PSD2: variants seen among roughly 807,000 people sequenced by gnomAD.
PSD2 encodes the protein pleckstrin and Sec7 domain containing 2.
PSD2 carries 38 observed loss-of-function variants against 69.8 expected under a neutral mutation model. The observed-to-expected ratio is 0.54, with a 90% CI of 0.42 to 0.71. The LOEUF is 0.71. Among genes scored for constraint, PSD2 ranks in the 30% least tolerant of loss-of-function variants. The pLI is 0.00. For synonymous variants in PSD2, 412 were observed against 423.0 expected, an observed-to-expected ratio of 0.97 and a Z score of 0.32; for missense variants, 943 against 1,014.5, an observed-to-expected ratio of 0.93 and a Z score of 0.96.
the PSD2 span, among the ~76,000 whole-genome samples, chr5:139,756,814 C>T: frequency 9.8e-5 from 15 of 152,298 alleles, no homozygotes; most frequent in African/African-American, 3.1e-4. Flanking sequence ...ACTCAGTTTC[C>T]TCCGCTGGGA....
intron 1 of PSD2, among the ~76,000 whole-genome samples, chr5:139,805,050 A>G (rs574884804): frequency 3.3e-5 from 5 of 151,124 alleles, no homozygotes; most frequent in Non-Finnish European, 7.4e-5. Flanking sequence ...GTGTGTGCGC[A>G]TGTGTGTGTG....
At chr5:139,813,263 G>A (rs1400514705) in intron 2 of PSD2, 46 bp from the exon 3 acceptor site, 1 of 1,478,726 alleles carries the variant, frequency 6.8e-7, no homozygotes, top group Non-Finnish European at 9.1e-7. Flanking sequence ...GCACCTGTAT[G>A]GGGGACAGCT....
At chr5:139,832,212 G>T (rs907998566) in intron 7 of PSD2, among the ~76,000 whole-genome samples, 1 of 152,198 alleles carries the variant, frequency 6.6e-6, no homozygotes, top group Admixed American at 6.5e-5. Flanking sequence ...TGTTCAGTTT[G>T]TGTGGAACTC....
At chr5:139,776,422 C>G in the PSD2 span, among the ~76,000 whole-genome samples, 2 of 152,316 alleles carry the variant, frequency 1.3e-5, no homozygotes, top group Non-Finnish European at 2.9e-5. Flanking sequence ...CAGAGAGGAG[C>G]AGGGAATTAT....
the PSD2 span, among the ~76,000 whole-genome samples, chr5:139,786,974 G>A: frequency 6.6e-6 from 1 of 152,108 alleles, no homozygotes; most frequent in Non-Finnish European, 1.5e-5. Context: ...ATCAGTTTGA[G>A]TTGGGATTCT....
In PSD2 at chr5:139,838,696, C is replaced by G. The variant is rs1457394178; in HGVS notation, c.1892C>G (p.Ala631Gly). The change falls in exon 13 of 15, where the codon GCC (alanine) becomes GGC (glycine). Residue 631 changes from alanine (A) to glycine (G), a missense_variant. Physicochemically the swap from Ala to Gly is moderately conservative, Grantham distance 60 (BLOSUM62 0). Around this residue, in one of 3 missense-constraint regions of PSD2, gnomAD observed 312 missense variants for 400.7 expected, o/e 0.78. Coordinates refer to ENST00000274710, the MANE Select transcript of PSD2 (RefSeq NM_032289.4). ...NLVAAIFSAP[A>G]FPAAVSSMKK... Reference sequence around the variant, plus strand: ...GTGGCAGCCATCTTCTCTGCCCCGGCCTTCCCAGCCGCTGTCAGCTCCATG... The same window carrying G: ...GTGGCAGCCATCTTCTCTGCCCCGGGCTTCCCAGCCGCTGTCAGCTCCATG... The G allele has an allele frequency of 1.9e-6, 3 of 1,614,046 alleles. No individual in the cohort carries two copies. Among genetic ancestry groups the G allele is most frequent in the Middle Eastern group, 1.7e-4 (1 of 6,028 alleles).
At position 139,839,383 on chromosome 5, in the gene PSD2, C is replaced by T. The variant is rs1192022370; in HGVS notation, c.1968+611C>T. The stretch of plus-strand genomic sequence containing the variant: ...TTCTGCCCAGAACCTTTGTGCAATG[C>T]ACGTACACCATGTATGTGCACAAAC... On this transcript the variant is annotated intron_variant, in intron 13 of 14. Transcript: ENST00000274710. This position sits in a 1 kb window ranked among gnomAD's most constrained non-coding sequence, Gnocchi z 5.1. Among the ~76,000 whole-genome samples the T allele has an allele frequency of 6.6e-6, 1 of 152,260 alleles. No homozygotes were observed. The highest frequency in any genetic ancestry group is 2.4e-5 in the African/African-American group (1 of 41,468).
chr5:139,813,502 C>G lies in PSD2; in HGVS notation c.565C>G (p.Arg189Gly), dbSNP rs139100682. 12 of 1,612,686 alleles carry G rather than the reference C, an allele frequency of 7.4e-6. No homozygotes were observed. Among genetic ancestry groups the G allele is most frequent in the African/African-American group, 5.3e-5 (4 of 74,926 alleles). The change falls in exon 3 of 15, where the codon CGT becomes GGT. Residue 189 changes from arginine to glycine, a missense_variant. By Grantham distance (125) the Arg-to-Gly change is moderately radical. Coordinates refer to ENST00000274710, the MANE Select transcript of PSD2 (RefSeq NM_032289.4). ...PLTPLIQQRA[R>G]DSPEPGAGLG... ...CACACCCCTCATCCAGCAGCGGGCC[C>G]GTGACAGCCCTGAGCCAGGGGCTGG...
the PSD2 span, among the ~76,000 whole-genome samples, chr5:139,743,383 TGA>T: frequency 6.6e-6 from 1 of 152,016 alleles, no homozygotes; most frequent in Non-Finnish European, 1.5e-5. Context: ...TGGAAGCTGG[TGA>T]GATTTAGGAA....
chr5:139,830,823 C>CTTTTT lies in PSD2; in HGVS notation c.1270-2861_1270-2857dup, dbSNP rs60786662. ...GTGTGAGCCACCACACCTGGACTTG[C>CTTTTT]TTTTTTTTTTTTTTTTTTTTTTATT... On this transcript the variant is annotated intron_variant, in intron 7 of 14. Transcript: ENST00000274710. 4.8e-3 allele frequency among the ~76,000 whole-genome samples: 397 copies of CTTTTT among 82,932 alleles called. 1 individual carries two copies. Among genetic ancestry groups the CTTTTT allele is most frequent in the Non-Finnish European group, 6.1e-3 (266 of 43,444 alleles). 54.4% of individuals were successfully genotyped at this position (82,932 alleles called of 152,430 possible).
chr5:139,778,431 C>A, the PSD2 span, among the ~76,000 whole-genome samples: 1 of 152,272 alleles, frequency 6.6e-6, no homozygotes, highest in Admixed American at 6.5e-5. Context: ...TAAAGAATAT[C>A]TTTCCATTTC....
rs765166019 is a variant in PSD2, at chr5:139,837,763, G to A, written c.1804G>A (p.Val602Ile). 7.4e-6 allele frequency: 12 copies of A among 1,612,194 alleles called. No homozygotes were observed. The East Asian group carries it at 2.5e-4, about 33-fold the overall frequency. Residue 602 changes from valine to isoleucine, a missense_variant, in exon 12 of 15, where the codon GTA becomes ATA. Physicochemically the swap from Val to Ile is conservative, Grantham distance 29. This residue lies in a region of PSD2 where 312 missense variants were observed against 400.7 expected (regional missense o/e 0.78). Transcript: ENST00000274710. The surrounding 1 kb of genome is among the most constrained non-coding windows in gnomAD (Gnocchi z 5.0). ...VLKLKTADWR[V>I]FLFQAPSKEE... is the part of the protein sequence containing the mutation. ...GAAGCTTAAGACAGCCGACTGGAGG[G>A]TATTCCTCTTCCAGGCACCGTGAGT... is the stretch of plus-strand genomic sequence containing the variant.
At chr5:139,750,701 G>A in the PSD2 span, among the ~76,000 whole-genome samples, 1 of 152,206 alleles carries the variant, frequency 6.6e-6, no homozygotes, top group African/African-American at 2.4e-5. Context: ...CAAGGCCACT[G>A]ATGGGATGAT....
intron 1 of PSD2, 30 bp downstream of exon 1, chr5:139,796,005 G>GC (rs558198554): frequency 4.4e-4 from 66 of 150,792 alleles, no homozygotes; most frequent in African/African-American, 1.6e-3. Flanking sequence ...TCCGGGACCC[G>GC]CCCCTCCCCG....
chr5:139,808,714 G>C (rs1411504598), intron 1 of PSD2, among the ~76,000 whole-genome samples: 1 of 152,212 alleles, frequency 6.6e-6, no homozygotes, highest in African/African-American at 2.4e-5. Context: ...GGTGGAGGCA[G>C]CCCGGGCTCT....
the PSD2 span, among the ~76,000 whole-genome samples, chr5:139,788,712 C>T: frequency 6.6e-6 from 1 of 152,230 alleles, no homozygotes; most frequent in Non-Finnish European, 1.5e-5. Context: ...GGGCCCTGGG[C>T]CGGCGGCCGG....
At chr5:139,793,924 GA>G (rs1759463710), upstream of PSD2, among the ~76,000 whole-genome samples, 1 of 152,214 alleles carries the variant, frequency 6.6e-6, no homozygotes, top group Non-Finnish European at 1.5e-5. Context: ...GCTGTGACTT[GA>G]GGGCATGGGT....
At chr5:139,799,742 G>A (rs2126923057) in intron 1 of PSD2, among the ~76,000 whole-genome samples, 1 of 152,196 alleles carries the variant, frequency 6.6e-6, no homozygotes, top group South Asian at 2.1e-4. Context: ...GGAGTTGTGT[G>A]GTTTGGGGGC....
rs1246114250 is a variant in PSD2, at chr5:139,836,803, T to C, written c.1404-8T>C. 1.2e-5 allele frequency: 20 copies of C among 1,613,178 alleles called. No individual in the cohort carries two copies. The highest frequency in any genetic ancestry group is 2.2e-5 in the East Asian group (1 of 44,866). On this transcript the variant is annotated splice_polypyrimidine_tract_variant and splice_region_variant and intron_variant, in intron 9 of 14. Coordinates refer to ENST00000274710, the MANE Select transcript of PSD2 (RefSeq NM_032289.4). ...TGGAGGTGGTGCTCAGGCCTAGTAC[T>C]TCCCTAGTGATGAGGATGAGCTGAG...
Sources: gnomAD v4.1 joint callset for allele counts (sites outside exome capture counted in the v4.1 genomes callset) on GRCh38, gnomAD v4.1.1 for gene constraint, gnomAD v4.1.1 regional missense constraint, Gnocchi (gnomAD v3.1) non-coding constraint, MANE v1.5 for transcripts, NCBI Gene and HGNC (gene_info 2026-07-23, HGNC 2026-07-21) for gene names.